CUL5: variants seen among roughly 807,000 people sequenced by gnomAD.
The protein encoded by CUL5 is cullin-5.
In CUL5, 26 loss-of-function variants were observed where a neutral mutation model predicts 108.8. That is an observed-to-expected ratio of 0.24 (90% confidence interval 0.18 to 0.33). The LOEUF (loss-of-function observed/expected upper bound fraction) is 0.33. Ranked by LOEUF, CUL5 falls within the 10% of genes least tolerant of loss-of-function variation. CUL5 has a pLI of 1.00. For missense variants in CUL5, 524 were observed against 909.2 expected (o/e 0.58, Z 5.45); for synonymous variants, 334 against 298.0 (o/e 1.12, Z -1.25).
intron 1 of CUL5, among the ~76,000 whole-genome samples, chr11:108,027,469 A>C (rs1862479788): frequency 1.3e-5 from 2 of 151,988 alleles, no homozygotes; most frequent in African/African-American, 4.8e-5. Context: ...ACAGGGTTTC[A>C]CCATGTAGGT....
In CUL5 at chr11:108,049,945, G is replaced by C; in HGVS notation, c.290G>C (p.Trp97Ser). 2 of 1,613,648 alleles carry C rather than the reference G, an allele frequency of 1.2e-6. No homozygotes were observed. Among genetic ancestry groups the C allele is most frequent in the Non-Finnish European group, 1.7e-6 (2 of 1,179,816 alleles). Reference sequence around the variant, plus strand: ...TTGCTAAAAGCATATATTGTTGAATGGCGAAAGTTCTTTACACAATGTGAT... The same window carrying C: ...TTGCTAAAAGCATATATTGTTGAATCGCGAAAGTTCTTTACACAATGTGAT... ...TALLKAYIVEWRKFFTQCDIL... is the reference protein window; with the variant it reads ...TALLKAYIVESRKFFTQCDIL... Residue 97 changes from tryptophan (W) to serine (S), a missense_variant, in exon 4 of 19, where the codon TGG becomes TCG. Physicochemically the swap from Trp to Ser is radical, Grantham distance 177 (BLOSUM62 -3). This residue lies in a region of CUL5 where 170 missense variants were observed against 305.1 expected (regional missense o/e 0.56). Transcript: ENST00000393094.
rs1462828693 is a variant in CUL5, at chr11:108,094,377, G to A, written c.1444-14G>A. On this transcript the variant is annotated splice_polypyrimidine_tract_variant and intron_variant, in intron 13 of 18. Transcript: ENST00000393094. ...GTATTTATTACCTCTTCCTTCTTTG[G>A]TTTATATTTATAGGAAGTTGGTATG... is the stretch of plus-strand genomic sequence containing the variant. The A allele has an allele frequency of 1.3e-6, 2 of 1,558,486 alleles. No homozygotes were observed. Among genetic ancestry groups the A allele is most frequent in the African/African-American group, 1.4e-5 (1 of 72,332 alleles).
In CUL5 at chr11:108,055,140, T is replaced by G. The variant is rs558637109; in HGVS notation, c.780+185T>G. Among the ~76,000 whole-genome samples the G allele has an allele frequency of 5.2e-5, 8 of 152,382 alleles. No homozygotes were observed. The East Asian group carries it at 1.5e-3, about 29-fold the overall frequency. Reference sequence around the variant, plus strand: ...ATCTTGTTTAGAACACATTGTCCTTTGGAGCTGGTATGCAAGATCAAATCT... The same window carrying G: ...ATCTTGTTTAGAACACATTGTCCTTGGGAGCTGGTATGCAAGATCAAATCT... On this transcript the variant is annotated intron_variant, in intron 7 of 18. Coordinates refer to ENST00000393094, the MANE Select transcript of CUL5 (RefSeq NM_003478.6).
At chr11:108,046,241 A>G (rs986453763) in intron 2 of CUL5, 29 bp from the exon 3 acceptor site, 3 of 1,431,906 alleles carry the variant, frequency 2.1e-6, no homozygotes, top group Middle Eastern at 3.6e-4. Context: ...TTCATTATTA[A>G]TGTTTGTTTA....
At chr11:108,068,788 A>G (rs920307853) in intron 7 of CUL5, among the ~76,000 whole-genome samples, 1 of 152,064 alleles carries the variant, frequency 6.6e-6, no homozygotes, top group Non-Finnish European at 1.5e-5. Context: ...CCTCATTTAG[A>G]TTTTCCTGAT....
Position 108,098,484 on chromosome 11 carries a change from A to G in CUL5, c.2103A>G (p.Glu701=). 1 of 1,597,482 alleles carries G rather than the reference A, an allele frequency of 6.3e-7. No individual in the cohort carries two copies. The highest frequency in any genetic ancestry group is 8.5e-7 in the Non-Finnish European group (1 of 1,172,072). ...AGCTCACTACAGAAAGGATGAGAGA[A>G]GAAGAGAATGAAGGAATAGTTCAAC... is the stretch of plus-strand genomic sequence containing the variant. ...RLQLTTERMR[E]EENEGIVQLR... is the part of the protein sequence containing the mutation. Residue 701 remains glutamate, a synonymous_variant, in exon 18 of 19, where the codon GAA becomes GAG. Coordinates refer to ENST00000393094, the MANE Select transcript of CUL5 (RefSeq NM_003478.6).
intron 11 of CUL5, among the ~76,000 whole-genome samples, chr11:108,080,518 C>G (rs1864052689): frequency 6.6e-6 from 1 of 152,176 alleles, no homozygotes; most frequent in African/African-American, 2.4e-5. Context: ...GCCTCAGCCT[C>G]CTGAGTAGCT....
rs1199032063 is a variant in CUL5, at chr11:108,105,069, T to G, written c.*685T>G. 1 of 141,732 alleles carries G rather than the reference T, an allele frequency of 7.1e-6. No individual in the cohort carries two copies. Among genetic ancestry groups the G allele is most frequent in the East Asian group, 2.0e-4 (1 of 5,032 alleles). 8.8% of individuals were successfully genotyped at this position (141,732 alleles called of 1,614,324 possible). A position where few individuals can be genotyped will look rare whatever the true frequency, so the allele number is the denominator to read the frequency against. The stretch of plus-strand genomic sequence containing the variant: ...TTAGTTGTTGTTAAATGATGAGGAG[T>G]TTTTTTTTTTTTAAATATGGCTGGA... On this transcript the variant is annotated 3_prime_UTR_variant, in exon 19 of 19. Transcript: ENST00000393094.
At chr11:108,098,035 C>A (rs745385185) in intron 17 of CUL5, among the ~76,000 whole-genome samples, 1 of 151,992 alleles carries the variant, frequency 6.6e-6, no homozygotes, top group Non-Finnish European at 1.5e-5. Flanking sequence ...TCAGAGAAAG[C>A]GTTTTTTGTG....
At chr11:108,028,306 A>C (rs1862498758) in intron 1 of CUL5, among the ~76,000 whole-genome samples, 1 of 152,162 alleles carries the variant, frequency 6.6e-6, no homozygotes, top group Admixed American at 6.6e-5. Context: ...CAAAAGCCTT[A>C]AAGTCATGCT....
chr11:108,085,685 T>C (rs550607011), intron 11 of CUL5, among the ~76,000 whole-genome samples: 1 of 152,268 alleles, frequency 6.6e-6, no homozygotes, highest in East Asian at 1.9e-4. Flanking sequence ...GTAAAAGAAG[T>C]GGGTCACAAA....
In CUL5 at chr11:108,050,161, T is replaced by TC. The variant is rs1863175750; in HGVS notation, c.411+96dup. The TC allele has an allele frequency of 5.1e-6, 5 of 980,604 alleles. No homozygotes were observed. In the African/African-American group the frequency reaches 8.2e-5, roughly 16 times the overall value. The allele number at this position is 980,604 out of a possible 1,614,324, so 60.7% of individuals were successfully genotyped here. On this transcript the variant is annotated intron_variant, in intron 4 of 18. Transcript: ENST00000393094. ...TAATTTGAACTTTTAAGTGGGTTTTTCTACTTCACATGTCAATTGCTTTTC... is the reference window on the plus strand; with the variant it reads ...TAATTTGAACTTTTAAGTGGGTTTTTCCTACTTCACATGTCAATTGCTTTTC...
intron 7 of CUL5, among the ~76,000 whole-genome samples, chr11:108,063,186 C>A (rs1004081430): frequency 6.6e-6 from 1 of 152,080 alleles, no homozygotes; most frequent in South Asian, 2.1e-4. Flanking sequence ...ATCCCTATTT[C>A]TCCCCCACCA....
Position 108,097,621 on chromosome 11 carries a change from C to G in CUL5, c.1906-15C>G. ...TGTTTATAGATGCTAATTGTTTTCT[C>G]CTTATTCTTCATAGTCTTTAGTAGC... On this transcript the variant is annotated splice_polypyrimidine_tract_variant and intron_variant, in intron 16 of 18. Coordinates refer to ENST00000393094, the MANE Select transcript of CUL5 (RefSeq NM_003478.6). The G allele has an allele frequency of 6.9e-7, 1 of 1,453,430 alleles. No homozygotes were observed. Among genetic ancestry groups the G allele is most frequent in the Admixed American group, 1.7e-5 (1 of 59,242 alleles). The allele number at this position is 1,453,430 out of a possible 1,614,324, so 90.0% of individuals were successfully genotyped here. A position where few individuals can be genotyped will look rare whatever the true frequency, so the allele number is the denominator to read the frequency against.
chr11:108,084,429 C>T (rs932787590), intron 11 of CUL5, among the ~76,000 whole-genome samples: 6 of 152,066 alleles, frequency 3.9e-5, no homozygotes, highest in Non-Finnish European at 8.8e-5. Context: ...TTGGTGGTCA[C>T]ACAGGACTGG....
At chr11:108,079,704 A>G (rs549909235) in intron 11 of CUL5, among the ~76,000 whole-genome samples, 91 of 152,318 alleles carry the variant, frequency 6.0e-4, no homozygotes, top group African/African-American at 2.1e-3. Context: ...TGATGTCTTT[A>G]TCATCGTACA....
intron 11 of CUL5, among the ~76,000 whole-genome samples, chr11:108,087,080 A>C (rs536183661): frequency 9.9e-5 from 15 of 152,254 alleles, no homozygotes; most frequent in African/African-American, 3.4e-4. Flanking sequence ...TTGTTTTGCA[A>C]ATGGCTCAGG....
At chr11:108,063,427 A>G (rs1332923431) in intron 7 of CUL5, among the ~76,000 whole-genome samples, 10 of 151,974 alleles carry the variant, frequency 6.6e-5, no homozygotes, top group Admixed American at 6.6e-4. Context: ...GTTTATGTAC[A>G]TTTTCATTAT....
intron 1 of CUL5, among the ~76,000 whole-genome samples, chr11:108,012,971 C>G (rs947040276): frequency 3.9e-5 from 6 of 152,102 alleles, no homozygotes; most frequent in Non-Finnish European, 8.8e-5. Context: ...GAAAAGCAGC[C>G]CCCATTTGCT....
Sources: allele counts gnomAD v4.1 joint callset (sites outside exome capture counted in the v4.1 genomes callset), GRCh38; gene constraint gnomAD v4.1.1; regional missense constraint gnomAD v4.1.1; transcripts MANE v1.5; gene names NCBI Gene and HGNC (gene_info 2026-07-23, HGNC 2026-07-21).